Variants in VPS13B observed in about 807,000 individuals in gnomAD.
VPS13B encodes intermembrane lipid transfer protein VPS13B.
Under a neutral mutation model 426.4 loss-of-function variants are expected in VPS13B, and 285 were observed. That is an observed-to-expected ratio of 0.67 (90% CI 0.61 to 0.74). The LOEUF (loss-of-function observed/expected upper bound fraction) is 0.74, where lower values mean the gene tolerates loss of function less well. Ranked by LOEUF, VPS13B falls within the 30% of genes least tolerant of loss-of-function variation. VPS13B has a pLI of 0.00. For synonymous variants in VPS13B, 1,676 were observed against 1,676.4 expected, an observed-to-expected ratio of 1.00 and a Z score of 0.01; for missense variants, 4,537 against 4,782.6, an observed-to-expected ratio of 0.95 and a Z score of 1.51.
intron 4 of VPS13B, among the ~76,000 whole-genome samples, chr8:99,100,296 T>A (rs964727011): frequency 7.2e-5 from 11 of 152,044 alleles, no homozygotes; most frequent in Admixed American, 2.0e-4. Context: ...GAAAAAAAAA[T>A]ATATATATTT....
At chr8:99,849,380 T>C (rs1384612058) in intron 55 of VPS13B, among the ~76,000 whole-genome samples, 1 of 152,100 alleles carries the variant, frequency 6.6e-6, no homozygotes, top group African/African-American at 2.4e-5. Context: ...CATAATTCAA[T>C]AGGAATAATA....
At chr8:99,122,708 C>A (rs1848005503) in intron 8 of VPS13B, among the ~76,000 whole-genome samples, 1 of 152,124 alleles carries the variant, frequency 6.6e-6, no homozygotes, top group Admixed American at 6.5e-5. Flanking sequence ...TGTTTTGTCT[C>A]CAGAGATACC....
intron 31 of VPS13B, among the ~76,000 whole-genome samples, chr8:99,568,266 A>G (rs562694789): frequency 3.0e-4 from 46 of 151,344 alleles, no homozygotes; most frequent in African/African-American, 1.0e-3. Flanking sequence ...AAATGGATAT[A>G]TACCGATAAC....
At chr8:99,842,518 G>C (rs1367109084) in intron 54 of VPS13B, among the ~76,000 whole-genome samples, 1 of 152,008 alleles carries the variant, frequency 6.6e-6, no homozygotes, top group Non-Finnish European at 1.5e-5. Flanking sequence ...AGGATGCTAA[G>C]GTGGGAGGAT....
chr8:99,508,321 T>C (rs1161624102), intron 28 of VPS13B, among the ~76,000 whole-genome samples: 2 of 152,198 alleles, frequency 1.3e-5, no homozygotes, highest in Non-Finnish European at 2.9e-5. Flanking sequence ...GGTACCTTCT[T>C]GAATCTGAAC....
intron 2 of VPS13B, among the ~76,000 whole-genome samples, chr8:99,035,886 A>G (rs887823482): frequency 6.6e-6 from 1 of 151,798 alleles, no homozygotes; most frequent in Admixed American, 6.6e-5. Context: ...TTTTATTTGT[A>G]TTTCCCTAAT....
intron 39 of VPS13B, among the ~76,000 whole-genome samples, chr8:99,732,377 A>G (rs796808327): frequency 3.3e-5 from 5 of 152,256 alleles, no homozygotes; most frequent in African/African-American, 1.2e-4. Context: ...TGCTCCAGCC[A>G]CAAGAATAGG....
chr8:99,562,365 C>G (rs1380815812), intron 31 of VPS13B, among the ~76,000 whole-genome samples: 2 of 151,486 alleles, frequency 1.3e-5, no homozygotes, highest in Non-Finnish European at 2.9e-5. Context: ...ACTGTAACCT[C>G]TGCCTCCTGG....
At chr8:99,061,828 T>C (rs1288057786) in intron 3 of VPS13B, among the ~76,000 whole-genome samples, 1 of 152,240 alleles carries the variant, frequency 6.6e-6, no homozygotes, top group African/African-American at 2.4e-5. Context: ...CTCTTACTTC[T>C]GTATGTTACA....
At chr8:99,649,765 G>A (rs1020303038) in intron 34 of VPS13B, among the ~76,000 whole-genome samples, 50 of 152,062 alleles carry the variant, frequency 3.3e-4, no homozygotes, top group Non-Finnish European at 8.8e-5. Flanking sequence ...AACCACAGGG[G>A]ACTTAATTTC....
At chr8:99,818,282 T>C (rs1032372429) in intron 45 of VPS13B, among the ~76,000 whole-genome samples, 169 bp from the exon 46 acceptor site, 2 of 152,234 alleles carry the variant, frequency 1.3e-5, no homozygotes, top group African/African-American at 4.8e-5. Context: ...ACTGCACATT[T>C]GCTTTCTGCC....
At chr8:99,863,695 C>CGTG (rs1816952586) in intron 58 of VPS13B, among the ~76,000 whole-genome samples, 1 of 152,112 alleles carries the variant, frequency 6.6e-6, no homozygotes, top group South Asian at 2.1e-4. Flanking sequence ...TCTTTCTGGG[C>CGTG]GTGGGTCCTG....
intron 48 of VPS13B, 110 bp from the exon 49 acceptor site, chr8:99,819,811 T>C (rs1814263964): frequency 7.2e-7 from 1 of 1,381,192 alleles, no homozygotes; most frequent in Admixed American, 1.9e-5. Context: ...GATTCTGGTA[T>C]GAGGAGGTAT....
At chr8:99,574,832 A>G (rs938806356) in intron 31 of VPS13B, among the ~76,000 whole-genome samples, 1 of 152,190 alleles carries the variant, frequency 6.6e-6, no homozygotes, top group African/African-American at 2.4e-5. Context: ...TACTTTACAT[A>G]CAGGATTGTT....
chr8:99,859,522 C>A (rs1212962770), intron 57 of VPS13B, 42 bp downstream of exon 57: 3 of 1,592,208 alleles, frequency 1.9e-6, no homozygotes, highest in Non-Finnish European at 2.6e-6. Flanking sequence ...TCACTCCTTC[C>A]CTTTTTTTTT....
chr8:99,047,480 T>G (rs1255248866), intron 3 of VPS13B, among the ~76,000 whole-genome samples: 2 of 150,802 alleles, frequency 1.3e-5, no homozygotes, highest in African/African-American at 5.0e-5. Context: ...AAGAACCAGC[T>G]TTTTGTTTCA....
chr8:99,155,389 A>G (rs972268184), intron 14 of VPS13B, among the ~76,000 whole-genome samples: 1 of 152,180 alleles, frequency 6.6e-6, no homozygotes, highest in Non-Finnish European at 1.5e-5. Flanking sequence ...ATCTATGGCA[A>G]TTGAAGTGAT....
At chr8:99,709,219 T>C (rs1832616160) in intron 36 of VPS13B, among the ~76,000 whole-genome samples, 1 of 152,188 alleles carries the variant, frequency 6.6e-6, no homozygotes. Context: ...GATAAAATAA[T>C]TACCTGGATA....
chr8:99,127,865 T>A (rs1809513710), intron 8 of VPS13B, among the ~76,000 whole-genome samples: 1 of 152,132 alleles, frequency 6.6e-6, no homozygotes, highest in African/African-American at 2.4e-5. Flanking sequence ...GGGACATGCA[T>A]TGGTTTTATT....
Sources: gnomAD v4.1 joint callset for allele counts (sites outside exome capture counted in the v4.1 genomes callset) on GRCh38, gnomAD v4.1.1 for gene constraint, MANE v1.5 for transcripts, NCBI Gene and HGNC (gene_info 2026-07-23, HGNC 2026-07-21) for gene names.